The following ADAMTS18 variants were observed in gnomAD, a reference collection of about 807,000 sequenced individuals.
ADAMTS18 encodes ADAM metallopeptidase with thrombospondin type 1 motif 18, also known as A disintegrin and metalloproteinase with thrombospondin motifs 18.
Under a neutral mutation model 165.9 loss-of-function variants are expected in ADAMTS18, and 157 were observed. The ratio of observed to expected loss-of-function variants is 0.95; its 90% CI spans 0.83 to 1.08. The LOEUF (loss-of-function observed/expected upper bound fraction) is 1.08. Ranked by LOEUF, ADAMTS18 falls within the 50% of genes least tolerant of loss-of-function variation. The pLI, the probability that ADAMTS18 is intolerant of heterozygous loss-of-function variation, is 0.00. For missense variants in ADAMTS18, 2,040 were observed against 1,534.0 expected (o/e 1.33, Z -5.51); for synonymous variants, 782 against 578.2 (o/e 1.35, Z -5.06).
At chr16:77,391,607 G>C (rs1209167797) in intron 3 of ADAMTS18, among the ~76,000 whole-genome samples, 4 of 152,192 alleles carry the variant, frequency 2.6e-5, no homozygotes, top group East Asian at 1.9e-4. Flanking sequence ...AGAGGGGGAA[G>C]AGTCATCCTA....
chr16:77,402,916 A>G (rs1171836048), intron 3 of ADAMTS18, among the ~76,000 whole-genome samples: 3 of 152,176 alleles, frequency 2.0e-5, no homozygotes, highest in African/African-American at 7.2e-5. Flanking sequence ...TGTCACTGAA[A>G]CACAACCTCT....
At chr16:77,344,411 A>G (rs2056445423) in intron 10 of ADAMTS18, among the ~76,000 whole-genome samples, 1 of 152,032 alleles carries the variant, frequency 6.6e-6, no homozygotes, top group Admixed American at 6.6e-5. Flanking sequence ...AAACTGAATC[A>G]CAGTCATCAT....
chr16:77,415,071 A>G (rs773029184), intron 3 of ADAMTS18, among the ~76,000 whole-genome samples: 2 of 152,248 alleles, frequency 1.3e-5, no homozygotes, highest in Non-Finnish European at 2.9e-5. Context: ...AATGTATCCA[A>G]GATGCACTGT....
chr16:77,319,959 A>C lies in ADAMTS18; in HGVS notation c.2422T>G (p.Trp808Gly), dbSNP rs2055962068. The C allele has an allele frequency of 6.2e-7, 1 of 1,614,226 alleles. No individual in the cohort carries two copies. The highest frequency in any genetic ancestry group is 8.5e-7 in the Non-Finnish European group (1 of 1,180,032). ...YYLTGGWSID[W>G]PGEFPFAGTT... ...CCAGCGAAGGGGAACTCCCCAGGCC[A>C]GTCGATGCTCCAGCCCCCGGTGAGG... Residue 808 changes from tryptophan (W) to glycine (G), a missense_variant, in exon 16 of 23, where the codon TGG becomes GGG. Trp to Gly is a radical substitution (Grantham distance 184). Transcript: ENST00000282849.
chr16:77,397,002 T>C (rs1162449145), intron 3 of ADAMTS18, among the ~76,000 whole-genome samples: 1 of 151,920 alleles, frequency 6.6e-6, no homozygotes, highest in Non-Finnish European at 1.5e-5. Flanking sequence ...AGAGCTAAGG[T>C]TTCACCATGT....
intron 7 of ADAMTS18, 134 bp from the exon 8 acceptor site, chr16:77,359,557 A>C: frequency 2.9e-6 from 2 of 698,072 alleles, no homozygotes; most frequent in Non-Finnish European, 2.5e-6. Context: ...TGGAAAAAAA[A>C]AAAAAAAAAG....
At chr16:77,361,067 C>T (rs889705660) in intron 7 of ADAMTS18, among the ~76,000 whole-genome samples, 2 of 150,700 alleles carry the variant, frequency 1.3e-5, no homozygotes, top group Non-Finnish European at 1.5e-5. Flanking sequence ...GCCTGAGTGA[C>T]AAGAACAAGA....
chr16:77,328,998 G>A (rs546606346), intron 12 of ADAMTS18, among the ~76,000 whole-genome samples: 14 of 152,296 alleles, frequency 9.2e-5, no homozygotes, highest in Admixed American at 2.6e-4. Context: ...AACTATGCCT[G>A]CATTTAACTG....
At chr16:77,314,676 T>C (rs1238507961) in intron 16 of ADAMTS18, among the ~76,000 whole-genome samples, 2 of 133,762 alleles carry the variant, frequency 1.5e-5, no homozygotes, top group African/African-American at 5.6e-5. Flanking sequence ...CATATATACA[T>C]ACGATTGATA....
chr16:77,424,710 CCT>C (rs2057649575), intron 3 of ADAMTS18, among the ~76,000 whole-genome samples: 1 of 152,036 alleles, frequency 6.6e-6, no homozygotes, highest in Non-Finnish European at 1.5e-5. Context: ...CAAAAAAAAA[CCT>C]TTTTAACCTT....
At chr16:77,294,333 A>G (rs541803008) in intron 19 of ADAMTS18, among the ~76,000 whole-genome samples, 1 of 152,130 alleles carries the variant, frequency 6.6e-6, no homozygotes, top group East Asian at 1.9e-4. Context: ...TGCCAGGAGC[A>G]CTCATCTCCC....
chr16:77,379,320 G>A (rs1004421433), intron 3 of ADAMTS18, among the ~76,000 whole-genome samples: 1 of 152,092 alleles, frequency 6.6e-6, no homozygotes, highest in Non-Finnish European at 1.5e-5. Context: ...ATCTCTTTTT[G>A]GTTTGGCTAG....
chr16:77,395,764 T>C (rs778389112), intron 3 of ADAMTS18, among the ~76,000 whole-genome samples: 2 of 151,930 alleles, frequency 1.3e-5, no homozygotes, highest in African/African-American at 2.4e-5. Flanking sequence ...ATAGTAATAA[T>C]GAAAGGATGG....
rs2055197651 is a variant in ADAMTS18 at position 77,283,953 on chromosome 16, A to C, written c.*3T>G. On this transcript the variant is annotated 3_prime_UTR_variant, in exon 23 of 23. Transcript: ENST00000282849. Reference sequence around the variant, plus strand: ...CCCTAAGGTGCTGGGGAGGACACCAAGATCAGATCTTCCTTGTGCATGACT... The same window carrying C: ...CCCTAAGGTGCTGGGGAGGACACCACGATCAGATCTTCCTTGTGCATGACT... 6.2e-7 allele frequency: 1 copy of C among 1,612,326 alleles called. No homozygotes were observed. Among genetic ancestry groups the C allele is most frequent in the Non-Finnish European group, 8.5e-7 (1 of 1,178,582 alleles).
chr16:77,426,140 T>C (rs980930468), intron 3 of ADAMTS18, among the ~76,000 whole-genome samples: 3 of 152,190 alleles, frequency 2.0e-5, no homozygotes, highest in Non-Finnish European at 4.4e-5. Flanking sequence ...TATTAGTGTA[T>C]TAAAAGGTAT....
intron 12 of ADAMTS18, among the ~76,000 whole-genome samples, chr16:77,331,607 T>G (rs1255419950): frequency 2.6e-5 from 4 of 152,192 alleles, no homozygotes; most frequent in Admixed American, 6.6e-5. Context: ...AGAGATTATT[T>G]TGTCCCATAT....
At chr16:77,401,105 A>G (rs1264277760) in intron 3 of ADAMTS18, among the ~76,000 whole-genome samples, 2 of 152,014 alleles carry the variant, frequency 1.3e-5, no homozygotes, top group East Asian at 1.9e-4. Context: ...AAAATACAAA[A>G]TTAGCCAGGC....
chr16:77,392,774 T>C (rs1369119221), intron 3 of ADAMTS18, among the ~76,000 whole-genome samples: 1 of 152,162 alleles, frequency 6.6e-6, no homozygotes, highest in Non-Finnish European at 1.5e-5. Flanking sequence ...CAGATCTCTG[T>C]GCAAAAATAT....
At chr16:77,421,580 CT>C (rs1169504261) in intron 3 of ADAMTS18, among the ~76,000 whole-genome samples, 2 of 152,196 alleles carry the variant, frequency 1.3e-5, no homozygotes, top group Non-Finnish European at 2.9e-5. Flanking sequence ...AGGCACTGCC[CT>C]AGGCTCATGG....
Sources: gnomAD v4.1 joint callset for allele counts (sites outside exome capture counted in the v4.1 genomes callset) on GRCh38, gnomAD v4.1.1 for gene constraint, MANE v1.5 for transcripts, NCBI Gene and HGNC (gene_info 2026-07-23, HGNC 2026-07-21) for gene names.